The following ZSWIM2 variants were observed in gnomAD, a reference collection of about 807,000 sequenced individuals.
ZSWIM2 encodes zinc finger SWIM-type containing 2, also known as E3 ubiquitin-protein ligase ZSWIM2.
ZSWIM2 carries 38 observed loss-of-function variants against 48.4 expected under a neutral mutation model. The ratio of observed to expected loss-of-function variants is 0.79; its 90% CI spans 0.61 to 1.03. The LOEUF is 1.03. Among genes scored for constraint, ZSWIM2 ranks in the 50% least tolerant of loss-of-function variants. The pLI is 0.00. For missense variants in ZSWIM2, 776 were observed against 730.2 expected (o/e 1.06, Z -0.72); for synonymous variants, 240 against 251.3 (o/e 0.96, Z 0.42).
At position 186,828,592 on chromosome 2, in the gene ZSWIM2, C is replaced by T; in HGVS notation, c.1294G>A (p.Val432Ile). 6.2e-7 allele frequency: 1 copy of T among 1,612,890 alleles called. No individual in the cohort carries two copies. Among genetic ancestry groups the T allele is most frequent in the Admixed American group, 1.7e-5 (1 of 59,864 alleles). Reference protein sequence around the residue: ...PDLFIPGTGLVLKQNRLGILP... With the variant: ...PDLFIPGTGLILKQNRLGILP... ...ATTCCAAGTCTATTTTGTTTTAAGA[C>T]TAATCCAGTACCAGGAATAAAAAGA... is the stretch of plus-strand genomic sequence containing the variant. The change falls in exon 9 of 9, where the codon GTC becomes ATC. Residue 432 changes from valine (V) to isoleucine (I), a missense_variant. Val to Ile is a conservative substitution (Grantham distance 29). Coordinates refer to ENST00000295131, the MANE Select transcript of ZSWIM2 (RefSeq NM_182521.3).
At chr2:186,830,606 G>T (rs1389018232) in intron 7 of ZSWIM2, among the ~76,000 whole-genome samples, 2 of 151,872 alleles carry the variant, frequency 1.3e-5, no homozygotes, top group African/African-American at 4.8e-5. Context: ...AATATTCCAG[G>T]CTACTATGAT....
rs147914023 is a variant in ZSWIM2, at chr2:186,842,783, T to C, written c.283+1934A>G. 2.0e-4 allele frequency among the ~76,000 whole-genome samples: 31 copies of C among 151,696 alleles called. No individual in the cohort carries two copies. The East Asian group carries it at 6.0e-3, about 29-fold the overall frequency. ...TGACTGACAAAACAAATTTTAAATT[T>C]TGTTAAATTAAAAATTTAGTTTTTA... On this transcript the variant is annotated intron_variant, in intron 3 of 8. Transcript: ENST00000295131.
At chr2:186,837,608 C>A in intron 4 of ZSWIM2, 54 bp from the exon 5 acceptor site, 2 of 864,510 alleles carry the variant, frequency 2.3e-6, no homozygotes, top group Non-Finnish European at 3.3e-6. Flanking sequence ...TTTACATATC[C>A]ATTGTATATA....
chr2:186,827,648 G>A lies in ZSWIM2; in HGVS notation c.*336C>T, dbSNP rs148403497. 5.9e-4 allele frequency among the ~76,000 whole-genome samples: 90 copies of A among 151,956 alleles called. 1 individual carries two copies. Among genetic ancestry groups the A allele is most frequent in the Admixed American group, 4.9e-3 (74 of 15,224 alleles). ...TAATCCCTGCATGTTATGTGCTACC[G>A]TGAAAAATATTTGAAAACAGTGACT... On this transcript the variant is annotated 3_prime_UTR_variant, in exon 9 of 9. Transcript: ENST00000295131.
Position 186,827,743 on chromosome 2 carries a change from G to C in ZSWIM2, c.*241C>G, listed in dbSNP as rs989604570. 7.7e-6 allele frequency: 2 copies of C among 258,390 alleles called. No homozygotes were observed. The highest frequency in any genetic ancestry group is 1.4e-5 in the Non-Finnish European group (2 of 137,972). 16.0% of individuals were successfully genotyped at this position (258,390 alleles called of 1,614,324 possible). A position where few individuals can be genotyped will look rare whatever the true frequency, so the allele number is the denominator to read the frequency against. ...TAAAATCAGAGTAAAATAAGATAAA[G>C]GCTCTAAAAATTATTCATTATTTAT... On this transcript the variant is annotated 3_prime_UTR_variant, in exon 9 of 9. Coordinates refer to ENST00000295131, the MANE Select transcript of ZSWIM2 (RefSeq NM_182521.3).
chr2:186,847,869 A>T (rs1308968094), intron 1 of ZSWIM2, 74 bp from the exon 2 acceptor site: 1 of 1,047,378 alleles, frequency 9.5e-7, no homozygotes, highest in African/African-American at 1.6e-5. Context: ...TTAATAAAAG[A>T]GATTTGAAGA....
At chr2:186,845,649 A>C (rs1034308069) in intron 2 of ZSWIM2, among the ~76,000 whole-genome samples, 4 of 151,464 alleles carry the variant, frequency 2.6e-5, no homozygotes, top group African/African-American at 9.7e-5. Context: ...TTAACTATCA[A>C]ATAAATTAAA....
chr2:186,831,347 A>G (rs1415456039), intron 7 of ZSWIM2, among the ~76,000 whole-genome samples: 2 of 151,712 alleles, frequency 1.3e-5, no homozygotes, highest in African/African-American at 4.9e-5. Context: ...ATACATGTGT[A>G]TGTATACGTG....
chr2:186,828,329 A>G lies in ZSWIM2; in HGVS notation c.1557T>C (p.His519=). The G allele has an allele frequency of 3.1e-6, 5 of 1,613,752 alleles. No individual in the cohort carries two copies. Among genetic ancestry groups the G allele is most frequent in the South Asian group, 1.1e-5 (1 of 91,068 alleles). Residue 519 remains histidine (H), a synonymous_variant, in exon 9 of 9, where the codon CAT becomes CAC. Transcript: ENST00000295131. ...TTGCAGTGGGACACACAATATTCTT[A>G]TGAACAATAGGAGGAAGCAGTGTTT... is the stretch of plus-strand genomic sequence containing the variant. ...PSQTLLPPIV[H]KNIVCPTAME... is the part of the protein sequence containing the mutation.
chr2:186,829,761 C>T lies in ZSWIM2; in HGVS notation c.1061G>A (p.Gly354Asp). Residue 354 changes from glycine to aspartate, a missense_variant, in exon 8 of 9, where the codon GGT becomes GAT. Gly to Asp is a moderately conservative substitution (Grantham distance 94, BLOSUM62 -1). Transcript: ENST00000295131. ...ACATGGTAGCAATCTTGTATGTTGA[C>T]CAAGATGAAATGCCTTCAAACAAAG... The part of the protein sequence containing the change: ...CLLCLKAFHL[G>D]QHTRLLPCTH... The T allele has an allele frequency of 1.2e-6, 2 of 1,613,358 alleles. No individual in the cohort carries two copies. The highest frequency in any genetic ancestry group is 1.1e-5 in the South Asian group (1 of 91,032).
At chr2:186,844,847 T>C in intron 2 of ZSWIM2, 90 bp from the exon 3 acceptor site, 1 of 1,083,432 alleles carries the variant, frequency 9.2e-7, no homozygotes, top group Non-Finnish European at 1.3e-6. Flanking sequence ...AGAAATTGAA[T>C]TATAAGATTT....
chr2:186,846,812 T>C (rs7579732), intron 2 of ZSWIM2, among the ~76,000 whole-genome samples: 914 of 11,994 alleles, frequency 0.076, 4 homozygotes, highest in African/African-American at 0.09. Context: ...CACACACACA[T>C]ATATATATAT....
chr2:186,835,087 A>G (rs1470112540), intron 5 of ZSWIM2, among the ~76,000 whole-genome samples: 1 of 152,156 alleles, frequency 6.6e-6, no homozygotes, highest in Admixed American at 6.6e-5. Flanking sequence ...TCATTTGATT[A>G]TCCAGTGCTG....
intron 5 of ZSWIM2, among the ~76,000 whole-genome samples, chr2:186,834,777 C>T (rs910222158): frequency 9.9e-5 from 15 of 152,126 alleles, no homozygotes; most frequent in African/African-American, 3.4e-4. Flanking sequence ...GTCACATTTC[C>T]CTCTGACTTT....
Position 186,849,054 on chromosome 2 carries a change from G to A in ZSWIM2, c.77C>T (p.Ala26Val). ...TAGGAGGTAGATGCTGCTACTCAGC[G>A]CCTGGTCTTGGTGCCAGCTGAGCCT... ...SERLSWHQDQ[A>V]LSSSIYLLRE... is the part of the protein sequence containing the mutation. The change falls in exon 1 of 9, where the codon GCG becomes GTG. Residue 26 changes from alanine to valine, a missense_variant. Ala to Val is a moderately conservative substitution (Grantham distance 64). Coordinates refer to ENST00000295131, the MANE Select transcript of ZSWIM2 (RefSeq NM_182521.3). 1.2e-6 allele frequency: 2 copies of A among 1,614,162 alleles called. No individual in the cohort carries two copies. The highest frequency in any genetic ancestry group is 2.2e-5 in the East Asian group (1 of 44,868).
chr2:186,842,623 A>G (rs1274456855), intron 3 of ZSWIM2, among the ~76,000 whole-genome samples: 1 of 151,536 alleles, frequency 6.6e-6, no homozygotes, highest in Non-Finnish European at 1.5e-5. Context: ...CAATTTATAA[A>G]AAGCACCTAG....
At position 186,841,604 on chromosome 2, in the gene ZSWIM2, C is replaced by A. The variant is rs141800244; in HGVS notation, c.284-2435G>T. Among the ~76,000 whole-genome samples, 24 of 151,188 alleles carry A rather than the reference C, an allele frequency of 1.6e-4. No homozygotes were observed. In the East Asian group the frequency reaches 4.6e-3, roughly 29 times the overall value. On this transcript the variant is annotated intron_variant, in intron 3 of 8. Transcript: ENST00000295131. ...CTTCACGTACAAAGAATATAACAAG[C>A]AGTTAGAAATAAATGCCTAATAGTG... is the stretch of plus-strand genomic sequence containing the variant.
At chr2:186,834,491 A>G (rs1298637168) in intron 5 of ZSWIM2, among the ~76,000 whole-genome samples, 2 of 152,106 alleles carry the variant, frequency 1.3e-5, no homozygotes, top group East Asian at 3.9e-4. Flanking sequence ...AGATTCTCAT[A>G]GGAGTGTGAA....
intron 3 of ZSWIM2, among the ~76,000 whole-genome samples, chr2:186,842,367 T>C (rs1212684171): frequency 6.6e-6 from 1 of 151,364 alleles, no homozygotes; most frequent in African/African-American, 2.4e-5. Context: ...ATTTTCTCAA[T>C]GCCTACTAAT....
Sources: gnomAD v4.1 joint callset for allele counts (sites outside exome capture counted in the v4.1 genomes callset) on GRCh38, gnomAD v4.1.1 for gene constraint, MANE v1.5 for transcripts, NCBI Gene and HGNC (gene_info 2026-07-23, HGNC 2026-07-21) for gene names.